Variants in MINDY4 observed in about 807,000 individuals in gnomAD.
The protein encoded by MINDY4 is probable ubiquitin carboxyl-terminal hydrolase MINDY-4.
Under a neutral mutation model 87.0 loss-of-function variants are expected in MINDY4, and 68 were observed. The ratio of observed to expected loss-of-function variants is 0.78; its 90% CI spans 0.64 to 0.96. The LOEUF (loss-of-function observed/expected upper bound fraction) is 0.96, where lower values mean the gene tolerates loss of function less well. Among genes scored for constraint, MINDY4 ranks in the 40% least tolerant of loss-of-function variants. The probability of loss-of-function intolerance (pLI) is 0.00; values close to 1 mark genes in which losing one functional copy is unlikely to be tolerated. For synonymous variants in MINDY4, 379 were observed against 363.2 expected (o/e 1.04, Z -0.50); for missense variants, 919 against 928.2 (o/e 0.99, Z 0.13).
In MINDY4 at chr7:30,866,800, G is replaced by T. The variant is rs1789950446; in HGVS notation, c.1746-5443G>T. On this transcript the variant is annotated intron_variant, in intron 13 of 17. Coordinates refer to ENST00000265299, the MANE Select transcript of MINDY4 (RefSeq NM_032222.3). ...GGACATGGTGGGTGGGAAGAGGTGG[G>T]TGGCAGAAGGCAGCTTGGGAAGGGC... 3.9e-5 allele frequency among the ~76,000 whole-genome samples: 6 copies of T among 152,164 alleles called. No individual in the cohort carries two copies. In the South Asian group the frequency reaches 1.2e-3, roughly 32 times the overall value.
chr7:30,802,958 C>T (rs1445959584), intron 5 of MINDY4: 3 of 152,134 alleles, frequency 2.0e-5, no homozygotes, highest in East Asian at 3.9e-4. Flanking sequence ...ACCCAACCAA[C>T]CAACCTAACC....
At chr7:30,851,930 T>A (rs140103996) in intron 10 of MINDY4, among the ~76,000 whole-genome samples, 2 of 152,296 alleles carry the variant, frequency 1.3e-5, no homozygotes, top group Non-Finnish European at 2.9e-5. Context: ...GAGTCAGACT[T>A]CCTACTGCCA....
At chr7:30,818,191 A>G (rs1408606956) in intron 5 of MINDY4, among the ~76,000 whole-genome samples, 1 of 152,110 alleles carries the variant, frequency 6.6e-6, no homozygotes, top group Non-Finnish European at 1.5e-5. Flanking sequence ...TATTTAGATT[A>G]TTTTGTATTT....
chr7:30,777,898 C>T (rs1345552428), intron 1 of MINDY4, among the ~76,000 whole-genome samples: 1 of 152,202 alleles, frequency 6.6e-6, no homozygotes, highest in Non-Finnish European at 1.5e-5. Flanking sequence ...CCTTGGTCTT[C>T]TGGCAGTTCA....
intron 2 of MINDY4, 145 bp downstream of exon 2, chr7:30,778,696 A>C: frequency 1.1e-5 from 10 of 898,332 alleles, no homozygotes; most frequent in Non-Finnish European, 1.8e-5. Flanking sequence ...GACCCCCCAA[A>C]TGTGGACAGA....
At chr7:30,887,408 C>T (rs899239500) in intron 17 of MINDY4, among the ~76,000 whole-genome samples, 1 of 152,238 alleles carries the variant, frequency 6.6e-6, no homozygotes, top group African/African-American at 2.4e-5. Context: ...GGATCCCTCT[C>T]CTGAGCTGCT....
chr7:30,817,205 A>C (rs1788176574), intron 5 of MINDY4, among the ~76,000 whole-genome samples: 1 of 152,138 alleles, frequency 6.6e-6, no homozygotes, highest in African/African-American at 2.4e-5. Context: ...ACCAAAGGTC[A>C]TGCCAGGTGA....
intron 6 of MINDY4, among the ~76,000 whole-genome samples, chr7:30,828,995 C>A (rs981120111): frequency 6.6e-6 from 1 of 152,070 alleles, no homozygotes; most frequent in Non-Finnish European, 1.5e-5. Flanking sequence ...GCTCTTTCTG[C>A]TTTTGGTATT....
intron 1 of MINDY4, among the ~76,000 whole-genome samples, chr7:30,774,866 T>C (rs1786761331): frequency 6.6e-6 from 1 of 152,080 alleles, no homozygotes; most frequent in South Asian, 2.1e-4. Context: ...TCTCTTCTTC[T>C]TTCCGTTCAC....
chr7:30,843,748 C>A (rs567962395), intron 9 of MINDY4, among the ~76,000 whole-genome samples: 49 of 148,148 alleles, frequency 3.3e-4, no homozygotes, highest in Admixed American at 3.0e-3. Flanking sequence ...GTGAGGTTTT[C>A]TATCTGTCGT....
At position 30,836,753 on chromosome 7, in the gene MINDY4, T is replaced by A. The variant is rs758007151; in HGVS notation, c.1228T>A (p.Ser410Thr). The change falls in exon 7 of 18, where the codon TCA becomes ACA. Residue 410 changes from serine (S) to threonine (T), a missense_variant. Transcript: ENST00000265299. ...LQTASKPIDL[S>T]VAKEIKTLLF... ...GACAGCATCAAAACCAATTGACCTC[T>A]CAGTAGCAAAGGTAAGTGTAAGGAG... 2 of 1,613,708 alleles carry A rather than the reference T, an allele frequency of 1.2e-6. No homozygotes were observed. Among genetic ancestry groups the A allele is most frequent in the African/African-American group, 2.7e-5 (2 of 74,930 alleles).
chr7:30,826,686 T>C (rs979152912), intron 5 of MINDY4, among the ~76,000 whole-genome samples: 1 of 152,208 alleles, frequency 6.6e-6, no homozygotes, highest in Non-Finnish European at 1.5e-5. Flanking sequence ...TTTGGAGTTA[T>C]CGCCTGGGTT....
At chr7:30,836,895 G>A (rs1429832164) in intron 7 of MINDY4, 131 bp downstream of exon 7, 8 of 697,634 alleles carry the variant, frequency 1.1e-5, no homozygotes, top group East Asian at 2.6e-5. Flanking sequence ...AAATTTGGGT[G>A]TGATGTAGAA....
intron 5 of MINDY4, among the ~76,000 whole-genome samples, chr7:30,798,914 T>G (rs1438106258): frequency 6.6e-6 from 1 of 152,200 alleles, no homozygotes; most frequent in Non-Finnish European, 1.5e-5. Flanking sequence ...GCTGTCCTGT[T>G]ACTTTTGTGC....
chr7:30,875,718 G>A (rs1051529554), intron 15 of MINDY4, 62 bp downstream of exon 15: 14 of 1,520,618 alleles, frequency 9.2e-6, no homozygotes, highest in Non-Finnish European at 1.2e-5. Flanking sequence ...CAATGAGGAG[G>A]GAAGTGGGGA....
chr7:30,842,788 C>T (rs980546178), intron 9 of MINDY4, among the ~76,000 whole-genome samples: 7 of 152,128 alleles, frequency 4.6e-5, no homozygotes, highest in African/African-American at 1.7e-4. Context: ...CATATGCATC[C>T]TTGCACACTC....
chr7:30,863,929 C>A (rs1352895971), intron 13 of MINDY4, among the ~76,000 whole-genome samples: 1 of 152,228 alleles, frequency 6.6e-6, no homozygotes, highest in Non-Finnish European at 1.5e-5. Context: ...GGAGCTCTCA[C>A]AAGCCCCAAG....
Position 30,782,123 on chromosome 7 carries a change from A to G in MINDY4, c.330A>G (p.Arg110=). 1 of 1,614,136 alleles carries G rather than the reference A, an allele frequency of 6.2e-7. No homozygotes were observed. The highest frequency in any genetic ancestry group is 2.2e-5 in the East Asian group (1 of 44,862). Residue 110 remains arginine, a synonymous_variant, in exon 3 of 18, where the codon AGA becomes AGG. Transcript: ENST00000265299. ...VPKKNNKVPS[R]CSETTLVNIY... ...AGAAAAATAACAAAGTGCCATCAAG[A>G]TGCTCAGAGACTACACTGGTAAATA... is the stretch of plus-strand genomic sequence containing the variant.
At chr7:30,801,110 CTG>C (rs1046835330) in intron 5 of MINDY4, among the ~76,000 whole-genome samples, 1 of 152,160 alleles carries the variant, frequency 6.6e-6, no homozygotes, top group African/African-American at 2.4e-5. Flanking sequence ...AGATGCCTCT[CTG>C]TGTCCTGAGG....
Sources: allele counts gnomAD v4.1 joint callset (sites outside exome capture counted in the v4.1 genomes callset), GRCh38; gene constraint gnomAD v4.1.1; transcripts MANE v1.5; gene names NCBI Gene and HGNC (gene_info 2026-07-23, HGNC 2026-07-21).